Variants in ABITRAM observed in about 807,000 individuals in gnomAD.
The protein encoded by ABITRAM is protein Abitram.
ABITRAM carries 19 observed loss-of-function variants against 22.9 expected under a neutral mutation model. That is an observed-to-expected ratio of 0.83 (90% CI 0.58 to 1.22). The LOEUF (loss-of-function observed/expected upper bound fraction) is 1.22, where lower values mean the gene tolerates loss of function less well. ABITRAM is among the 50% of genes most tolerant of loss of function. ABITRAM has a pLI of 0.00. For missense variants in ABITRAM, 215 were observed against 220.2 expected, an observed-to-expected ratio of 0.98 and a Z score of 0.15; for synonymous variants, 70 against 73.9, an observed-to-expected ratio of 0.95 and a Z score of 0.27.
rs765005440 is a variant in ABITRAM, at chr9:108,939,472, A to T, written c.408+18A>T. On this transcript the variant is annotated intron_variant, in intron 5 of 5. Coordinates refer to ENST00000322940, the MANE Select transcript of ABITRAM (RefSeq NM_017832.4). ...AAGAAAAGGTAAAAGAGAGAGAAAA[A>T]ATATGATCTCATCCACATACCTTTT... is the stretch of plus-strand genomic sequence containing the variant. 1.9e-6 allele frequency: 3 copies of T among 1,605,298 alleles called. No homozygotes were observed. The highest frequency in any genetic ancestry group is 2.5e-6 in the Non-Finnish European group (3 of 1,177,784).
chr9:108,948,163 CAT>C (rs1351823624), intron 3 of ABITRAM: 3 of 1,608,922 alleles, frequency 1.9e-6, no homozygotes, highest in Non-Finnish European at 2.5e-6. Context: ...AAAGTACTAG[CAT>C]AAAACGGAAA....
chr9:108,948,340 T>G lies in ABITRAM; in HGVS notation c.262-2167T>G, dbSNP rs147553536. 847 of 1,052,780 alleles carry G rather than the reference T, an allele frequency of 8.0e-4. 3 individuals are homozygous for G. The highest frequency in any genetic ancestry group is 1.8e-3 in the Admixed American group (63 of 34,822). The allele number at this position is 1,052,780 out of a possible 1,614,324, so 65.2% of individuals were successfully genotyped here. ...ATTTGTGTATTAACAAATCCTAAAT[T>G]TTGAAGAATAATATGAATAGACTGA... is the stretch of plus-strand genomic sequence containing the variant. On this transcript the variant is annotated intron_variant, in intron 3 of 3. Transcript: ENST00000374624.
chr9:108,936,709 G>A (rs1830192068), intron 3 of ABITRAM, among the ~76,000 whole-genome samples: 1 of 152,156 alleles, frequency 6.6e-6, no homozygotes, highest in African/African-American at 2.4e-5. Context: ...TTTGAAAGGA[G>A]AACTCTAATA....
At position 108,935,655 on chromosome 9, in the gene ABITRAM, T is replaced by C. The variant is rs763630863; in HGVS notation, c.97T>C (p.Cys33Arg). Residue 33 changes from cysteine (C) to arginine (R), a missense_variant, in exon 2 of 6, where the codon TGT (cysteine) becomes CGT (arginine). Cys to Arg is a radical substitution (Grantham distance 180). Transcript: ENST00000322940. ...TCTTCTAGATGTCAAAGGAAAATTT[T>C]GTGAGGACCACTGTATACTACAGCA... ...WYKPDVKGKF[C>R]EDHCILQHSN... 5 of 1,613,422 alleles carry C rather than the reference T, an allele frequency of 3.1e-6. No homozygotes were observed. In the South Asian group the frequency reaches 5.5e-5, roughly 18 times the overall value.
chr9:108,949,168 T>A (rs893672280), intron 3 of ABITRAM, among the ~76,000 whole-genome samples: 2 of 152,170 alleles, frequency 1.3e-5, no homozygotes, highest in Non-Finnish European at 2.9e-5. Flanking sequence ...CCAGGAAAAC[T>A]GCTACAAGGT....
At chr9:108,935,411 T>C (rs993540426) in intron 1 of ABITRAM, among the ~76,000 whole-genome samples, 1 of 152,150 alleles carries the variant, frequency 6.6e-6, no homozygotes, top group African/African-American at 2.4e-5. Context: ...GAGCAAGGAG[T>C]TAATTACCTT....
At chr9:108,943,974 AG>A, downstream of ABITRAM, 1 of 1,613,642 alleles carries the variant, frequency 6.2e-7, no homozygotes, top group South Asian at 1.1e-5. Flanking sequence ...GTTTTGAAAA[AG>A]CTTGAACACT....
Position 108,939,702 on chromosome 9 carries a change from A to T in ABITRAM, c.*16A>T. On this transcript the variant is annotated 3_prime_UTR_variant, in exon 6 of 6. Transcript: ENST00000322940. ...TACGTCATGAGGATTGACATGGAAC[A>T]AAAAGCAAAGTGGGATTCTTGTTAC... 6.2e-7 allele frequency: 1 copy of T among 1,612,376 alleles called. No homozygotes were observed. Among genetic ancestry groups the T allele is most frequent in the Non-Finnish European group, 8.5e-7 (1 of 1,179,298 alleles).
chr9:108,947,003 A>G (rs1469954586), intron 3 of ABITRAM, among the ~76,000 whole-genome samples: 1 of 152,056 alleles, frequency 6.6e-6, no homozygotes, highest in Non-Finnish European at 1.5e-5. Flanking sequence ...CAGAAGACAC[A>G]TTTTCTATAA....
At chr9:108,938,425 C>T (rs1291842855) in intron 3 of ABITRAM, among the ~76,000 whole-genome samples, 3 of 152,118 alleles carry the variant, frequency 2.0e-5, no homozygotes, top group Non-Finnish European at 4.4e-5. Flanking sequence ...ATGAAACATG[C>T]CTGCACTGGC....
Position 108,936,189 on chromosome 9 carries a change from G to A in ABITRAM, c.132-119G>A, listed in dbSNP as rs565527459. The A allele has an allele frequency of 2.7e-6, 3 of 1,105,344 alleles. No homozygotes were observed. The African/African-American group carries it at 4.7e-5, about 17-fold the overall frequency. 68.5% of individuals were successfully genotyped at this position (1,105,344 alleles called of 1,614,324 possible). A position where few individuals can be genotyped will look rare whatever the true frequency, so the allele number is the denominator to read the frequency against. On this transcript the variant is annotated intron_variant, in intron 2 of 5. Transcript: ENST00000322940. Reference sequence around the variant, plus strand: ...GCCCCAATAGTAGCCAAAGGAAAAAGGGGGAAGATGATAGTTTGACTAAAC... The same window carrying A: ...GCCCCAATAGTAGCCAAAGGAAAAAAGGGGAAGATGATAGTTTGACTAAAC...
chr9:108,935,868 G>C (rs1830176931), intron 2 of ABITRAM, 179 bp downstream of exon 2: 1 of 582,776 alleles, frequency 1.7e-6, no homozygotes, highest in South Asian at 2.1e-5. Flanking sequence ...GAGTATTCCA[G>C]TGCCTGGCCA....
intron 3 of ABITRAM, among the ~76,000 whole-genome samples, chr9:108,938,695 G>A (rs550967708): frequency 4.1e-5 from 6 of 146,020 alleles, no homozygotes; most frequent in East Asian, 2.1e-4. Flanking sequence ...TACAAAGGGG[G>A]GGGGGGGAAA....
intron 2 of ABITRAM, chr9:108,936,001 G>A (rs1363439676): frequency 6.1e-6 from 3 of 489,644 alleles, no homozygotes; most frequent in South Asian, 2.6e-5. Context: ...AAAGGGCTAC[G>A]GTAGAGACAT....
intron 3 of ABITRAM, 105 bp downstream of exon 3, chr9:108,936,542 C>A: frequency 7.8e-7 from 1 of 1,284,330 alleles, no homozygotes; most frequent in Non-Finnish European, 1.1e-6. Flanking sequence ...TAGCATACTT[C>A]TCTAGCAGTT....
At chr9:108,943,396 TCAGA>T (rs1334150807), downstream of ABITRAM, among the ~76,000 whole-genome samples, 2 of 152,190 alleles carry the variant, frequency 1.3e-5, no homozygotes, top group Admixed American at 6.5e-5. Context: ...CCATATTCTC[TCAGA>T]CAAATTATGG....
rs542006040 is a variant in ABITRAM, at chr9:108,934,405, C to G, written c.-82C>G. The G allele has an allele frequency of 4.4e-4, 541 of 1,234,148 alleles. No homozygotes were observed. Among genetic ancestry groups the G allele is most frequent in the Non-Finnish European group, 5.3e-4 (483 of 907,630 alleles). The allele number at this position is 1,234,148 out of a possible 1,614,324, so 76.4% of individuals were successfully genotyped here. On this transcript the variant is annotated 5_prime_UTR_variant, in exon 1 of 6. Coordinates refer to ENST00000322940, the MANE Select transcript of ABITRAM (RefSeq NM_017832.4). ...GCGTGCGCACGACACGCGCTGTGCG[C>G]CGGAAGAGCACGCCCAGTCCGGGCT...
chr9:108,936,188 A>T, intron 2 of ABITRAM, 120 bp from the exon 3 acceptor site: 1 of 1,078,546 alleles, frequency 9.3e-7, no homozygotes, highest in Non-Finnish European at 1.3e-6. Flanking sequence ...CAAAGGAAAA[A>T]GGGGGAAGAT....
At chr9:108,945,078 T>A (rs1365763305), downstream of ABITRAM, among the ~76,000 whole-genome samples, 2 of 152,208 alleles carry the variant, frequency 1.3e-5, no homozygotes, top group Non-Finnish European at 2.9e-5. Context: ...AATCCATGTC[T>A]GTCTCATACA....
Sources: allele counts gnomAD v4.1 joint callset (sites outside exome capture counted in the v4.1 genomes callset), GRCh38; gene constraint gnomAD v4.1.1; transcripts MANE v1.5; gene names NCBI Gene and HGNC (gene_info 2026-07-23, HGNC 2026-07-21).